The following FHOD3 variants were observed in gnomAD, a reference collection of about 807,000 sequenced individuals.
FHOD3 encodes formin homology 2 domain containing 3.
A neutral mutation model predicts 173.0 loss-of-function variants in FHOD3; 90 were observed. The observed-to-expected ratio is 0.52, with a 90% confidence interval of 0.44 to 0.62. FHOD3 has a LOEUF of 0.62. Ranked by LOEUF, FHOD3 falls within the 20% of genes least tolerant of loss-of-function variation. The pLI is 0.00. For synonymous variants in FHOD3, 828 were observed against 823.0 expected, an observed-to-expected ratio of 1.01 and a Z score of -0.10; for missense variants, 1,945 against 2,034.7, an observed-to-expected ratio of 0.96 and a Z score of 0.85.
intron 3 of FHOD3, among the ~76,000 whole-genome samples, chr18:36,402,782 C>G (rs1268210280): frequency 6.6e-6 from 1 of 152,136 alleles, no homozygotes; most frequent in Admixed American, 6.5e-5. Flanking sequence ...ATTTTTAAGG[C>G]TTTAACAAAT....
chr18:36,415,773 C>A (rs563109256), intron 3 of FHOD3, among the ~76,000 whole-genome samples: 1 of 152,168 alleles, frequency 6.6e-6, no homozygotes, highest in Admixed American at 6.5e-5. Context: ...TAATTTCAGG[C>A]AGACATTTTC....
chr18:36,370,315 A>C (rs1244553929), intron 2 of FHOD3, among the ~76,000 whole-genome samples: 1 of 150,520 alleles, frequency 6.6e-6, no homozygotes, highest in African/African-American at 2.5e-5. Context: ...TTAAACTTCT[A>C]AAAAAAATAG....
chr18:36,336,573 A>G (rs1250280574), intron 1 of FHOD3, among the ~76,000 whole-genome samples: 1 of 152,144 alleles, frequency 6.6e-6, no homozygotes, highest in Admixed American at 6.5e-5. Flanking sequence ...GCAGTGGCTC[A>G]AGCCTGTAAT....
intron 20 of FHOD3, among the ~76,000 whole-genome samples, chr18:36,732,399 T>C (rs997374931): frequency 2.0e-5 from 3 of 152,190 alleles, no homozygotes; most frequent in African/African-American, 7.2e-5. Flanking sequence ...ATACACCCCC[T>C]GTTCCAGGAA....
chr18:36,459,343 G>T (rs1436166392), intron 3 of FHOD3, among the ~76,000 whole-genome samples: 1 of 152,240 alleles, frequency 6.6e-6, no homozygotes, highest in African/African-American at 2.4e-5. Flanking sequence ...TGCTGATGTG[G>T]CATGAGCAGT....
At chr18:36,487,761 T>G (rs72891780) in intron 3 of FHOD3, among the ~76,000 whole-genome samples, 5 of 152,148 alleles carry the variant, frequency 3.3e-5, no homozygotes, top group African/African-American at 1.2e-4. Context: ...ATTTTGCATT[T>G]TTTTGTTTTC....
intron 10 of FHOD3, among the ~76,000 whole-genome samples, chr18:36,630,469 C>T (rs1361267593): frequency 1.3e-5 from 2 of 152,100 alleles, no homozygotes; most frequent in Non-Finnish European, 2.9e-5. Flanking sequence ...TTGACTTAAT[C>T]TCATGCTACT....
chr18:36,346,085 G>T (rs9945348), intron 1 of FHOD3, among the ~76,000 whole-genome samples: 246 of 152,292 alleles, frequency 1.6e-3, no homozygotes, highest in African/African-American at 5.8e-3. Context: ...CCCAATTTTG[G>T]CTGGGCACAG....
intron 10 of FHOD3, among the ~76,000 whole-genome samples, chr18:36,639,340 G>A (rs1392650429): frequency 6.6e-6 from 1 of 152,154 alleles, no homozygotes; most frequent in Non-Finnish European, 1.5e-5. Flanking sequence ...AGGAGATCGA[G>A]ACCATCCTGG....
chr18:36,761,666 C>T (rs1158826509), intron 27 of FHOD3, among the ~76,000 whole-genome samples: 1 of 152,120 alleles, frequency 6.6e-6, no homozygotes, highest in Non-Finnish European at 1.5e-5. Context: ...ATCCTCTGGG[C>T]ACTGTCCCTA....
intron 10 of FHOD3, among the ~76,000 whole-genome samples, chr18:36,644,820 A>C (rs1212402569): frequency 6.6e-6 from 1 of 152,182 alleles, no homozygotes; most frequent in African/African-American, 2.4e-5. Context: ...CAGGGCTCAA[A>C]AGTGGTGACT....
intron 1 of FHOD3, among the ~76,000 whole-genome samples, chr18:36,322,294 T>A (rs1941447): frequency 0.14 from 21,195 of 152,104 alleles, 3,958 homozygotes; most frequent in African/African-American, 0.43. Flanking sequence ...TTTTGGCCCT[T>A]TGGTGCACTG....
At chr18:36,775,836 C>A (rs1447094039) in intron 28 of FHOD3, among the ~76,000 whole-genome samples, 1 of 152,214 alleles carries the variant, frequency 6.6e-6, no homozygotes, top group Non-Finnish European at 1.5e-5. Context: ...TGCAGTGTGG[C>A]TGCTGGTGCC....
intron 21 of FHOD3, 54 bp from the exon 22 acceptor site, chr18:36,742,683 A>G (rs2041961387): frequency 6.3e-7 from 1 of 1,577,574 alleles, no homozygotes; most frequent in Non-Finnish European, 8.6e-7. Context: ...TCAGAAGAAC[A>G]AAGTAAACCC....
At chr18:36,437,192 G>A (rs531648549) in intron 3 of FHOD3, among the ~76,000 whole-genome samples, 1 of 151,598 alleles carries the variant, frequency 6.6e-6, no homozygotes, top group African/African-American at 2.4e-5. Context: ...TTCTTGGCTC[G>A]CTGCATCCTT....
intron 14 of FHOD3, among the ~76,000 whole-genome samples, chr18:36,675,532 C>G (rs1407538351): frequency 1.3e-5 from 2 of 152,152 alleles, no homozygotes; most frequent in Non-Finnish European, 2.9e-5. Flanking sequence ...GCCTTCTGTG[C>G]CAGGAGCCTC....
chr18:36,493,202 CTTTTCT>C (rs1171872363), intron 3 of FHOD3, among the ~76,000 whole-genome samples: 1 of 133,208 alleles, frequency 7.5e-6, no homozygotes, highest in Non-Finnish European at 1.6e-5. Flanking sequence ...TGAACTTTTT[CTTTTCT>C]TTTTCTTTTT....
intron 20 of FHOD3, among the ~76,000 whole-genome samples, chr18:36,731,181 G>T (rs546585442): frequency 6.6e-6 from 1 of 152,210 alleles, no homozygotes; most frequent in Non-Finnish European, 1.5e-5. Flanking sequence ...GCACATCCAT[G>T]TAAGAACTTT....
At chr18:36,425,917 TC>T (rs1449624063) in intron 3 of FHOD3, among the ~76,000 whole-genome samples, 2 of 151,228 alleles carry the variant, frequency 1.3e-5, no homozygotes, top group African/African-American at 2.4e-5. Context: ...TTTTTTTTTT[TC>T]GAGACGAAAT....
Sources: gnomAD v4.1 joint callset for allele counts (sites outside exome capture counted in the v4.1 genomes callset) on GRCh38, gnomAD v4.1.1 for gene constraint, MANE v1.5 for transcripts, NCBI Gene and HGNC (gene_info 2026-07-23, HGNC 2026-07-21) for gene names.